Variants in PTPRD observed in about 807,000 individuals in gnomAD.
PTPRD encodes the protein receptor-type tyrosine-protein phosphatase delta.
Under a neutral mutation model 214.5 loss-of-function variants are expected in PTPRD, and 34 were observed. The ratio of observed to expected loss-of-function variants is 0.16; its 90% CI spans 0.12 to 0.21. The LOEUF (loss-of-function observed/expected upper bound fraction) is 0.21. Ranked by LOEUF, PTPRD falls within the 10% of genes least tolerant of loss-of-function variation. The pLI, the probability that PTPRD is intolerant of heterozygous loss-of-function variation, is 1.00. For missense variants in PTPRD, 2,545 were observed against 2,398.7 expected (o/e 1.06, Z -1.27); for synonymous variants, 1,128 against 845.7 (o/e 1.33, Z -5.79).
chr9:9,391,481 C>T (rs1461308626), intron 9 of PTPRD, among the ~76,000 whole-genome samples: 1 of 152,042 alleles, frequency 6.6e-6, no homozygotes, highest in Non-Finnish European at 1.5e-5. Context: ...TATGCATGTG[C>T]CAAAATATAA....
chr9:8,847,485 G>A (rs1298779819), intron 11 of PTPRD, among the ~76,000 whole-genome samples: 1 of 152,138 alleles, frequency 6.6e-6, no homozygotes, highest in African/African-American at 2.4e-5. Context: ...CATGTGAGAA[G>A]CATTTTAGAA....
At chr9:9,751,524 C>G (rs1305593027) in intron 6 of PTPRD, among the ~76,000 whole-genome samples, 1 of 152,096 alleles carries the variant, frequency 6.6e-6, no homozygotes, top group East Asian at 1.9e-4. Context: ...CAGAATGTGA[C>G]TTTCTTTGGA....
intron 14 of PTPRD, among the ~76,000 whole-genome samples, chr9:8,565,147 C>T (rs117053406): frequency 0.035 from 5,354 of 152,024 alleles, 104 homozygotes; most frequent in Non-Finnish European, 0.051. Context: ...TCAAGCTAAC[C>T]GCAGTGGTTT....
At chr9:10,220,263 C>T (rs2154348422) in intron 3 of PTPRD, among the ~76,000 whole-genome samples, 1 of 151,848 alleles carries the variant, frequency 6.6e-6, no homozygotes, top group Middle Eastern at 3.4e-3. Flanking sequence ...AATATTTATA[C>T]TTACTATGTT....
chr9:9,806,403 G>C (rs1393544249), intron 5 of PTPRD, among the ~76,000 whole-genome samples: 1 of 152,084 alleles, frequency 6.6e-6, no homozygotes, highest in Non-Finnish European at 1.5e-5. Context: ...AATGTACTTT[G>C]TGATATTCCC....
chr9:9,674,129 T>C (rs2154391404), intron 7 of PTPRD, among the ~76,000 whole-genome samples: 1 of 151,942 alleles, frequency 6.6e-6, no homozygotes, highest in East Asian at 1.9e-4. Context: ...TGTAAAATAG[T>C]ATATTTGATT....
chr9:9,078,870 A>G (rs530970360), intron 10 of PTPRD, among the ~76,000 whole-genome samples: 2 of 152,240 alleles, frequency 1.3e-5, no homozygotes, highest in East Asian at 3.9e-4. Flanking sequence ...TTTATAAAGT[A>G]CAATAGTTTC....
At chr9:9,603,912 G>A (rs1028727571) in intron 7 of PTPRD, among the ~76,000 whole-genome samples, 12 of 151,880 alleles carry the variant, frequency 7.9e-5, no homozygotes, top group Non-Finnish European at 2.9e-5. Context: ...TCAACTGTGT[G>A]TCACTTTTGG....
At chr9:10,512,014 GTGTGTATATATATATGTA>G (rs1566642693) in intron 2 of PTPRD, among the ~76,000 whole-genome samples, 1 of 60,216 alleles carries the variant, frequency 1.7e-5, no homozygotes, top group African/African-American at 8.3e-5. Flanking sequence ...ATATATACGT[GTGTGTATATATATATGTA>G]TATATATATA....
intron 2 of PTPRD, among the ~76,000 whole-genome samples, chr9:10,547,599 T>C (rs534553567): frequency 7.9e-5 from 12 of 152,186 alleles, no homozygotes; most frequent in Non-Finnish European, 1.5e-4. Context: ...ATATTTATAG[T>C]ATATGCTTCA....
At chr9:9,056,310 T>A (rs957977033) in intron 10 of PTPRD, among the ~76,000 whole-genome samples, 2 of 152,126 alleles carry the variant, frequency 1.3e-5, no homozygotes, top group Non-Finnish European at 2.9e-5. Context: ...GAGAAGTACA[T>A]AAAACATCTT....
chr9:8,658,497 T>A (rs925960306), intron 12 of PTPRD, among the ~76,000 whole-genome samples: 6 of 152,150 alleles, frequency 3.9e-5, no homozygotes, highest in Non-Finnish European at 8.8e-5. Flanking sequence ...AAGAAAGATA[T>A]TTTTCTATTA....
intron 40 of PTPRD, 136 bp from the exon 41 acceptor site, chr9:8,341,404 G>A (rs1423895102): frequency 4.1e-6 from 4 of 975,094 alleles, no homozygotes; most frequent in Non-Finnish European, 5.9e-6. Flanking sequence ...TATTCAAATT[G>A]TACTGCTTTT....
chr9:9,151,338 G>T (rs1170810188), intron 10 of PTPRD, among the ~76,000 whole-genome samples: 3 of 152,128 alleles, frequency 2.0e-5, no homozygotes. Flanking sequence ...AGGTTTCCCA[G>T]ATCCCAGGAA....
chr9:8,747,614 C>G (rs1372123312), intron 11 of PTPRD, among the ~76,000 whole-genome samples: 1 of 152,068 alleles, frequency 6.6e-6, no homozygotes, highest in East Asian at 1.9e-4. Flanking sequence ...TCCAGGAAAC[C>G]AAGCCCCAGT....
Position 9,932,441 on chromosome 9 carries a change from AG to A in PTPRD, c.-368+6065del, listed in dbSNP as rs1352236455. On this transcript the variant is annotated intron_variant, in intron 5 of 45. Coordinates refer to ENST00000381196, the MANE Select transcript of PTPRD (RefSeq NM_002839.4). ...ACTACGTGAAGAATGCAGAAGCCTC[AG>A]GAGCCGATGCAATCAACTGGAAGAA... Among the ~76,000 whole-genome samples the A allele has an allele frequency of 2.7e-5, 4 of 147,892 alleles. No homozygotes were observed. The East Asian group carries it at 8.0e-4, about 30-fold the overall frequency.
chr9:9,273,618 T>C (rs1943810261), intron 9 of PTPRD, among the ~76,000 whole-genome samples: 2 of 151,330 alleles, frequency 1.3e-5, no homozygotes, highest in African/African-American at 2.4e-5. Context: ...GTCTTCAAAA[T>C]GTATAGCATG....
In PTPRD at chr9:9,522,379, T is replaced by G. The variant is rs565479857; in HGVS notation, c.-237+52353A>C. On this transcript the variant is annotated intron_variant, in intron 8 of 45. Coordinates refer to ENST00000381196, the MANE Select transcript of PTPRD (RefSeq NM_002839.4). Reference sequence around the variant, plus strand: ...GTTGTAGAGGGAACTCTGAAAGATTTCTAAAGGGAACTATCTGGACATAAT... The same window carrying G: ...GTTGTAGAGGGAACTCTGAAAGATTGCTAAAGGGAACTATCTGGACATAAT... 2.6e-5 allele frequency among the ~76,000 whole-genome samples: 4 copies of G among 152,240 alleles called. No individual in the cohort carries two copies. The East Asian group carries it at 7.8e-4, about 30-fold the overall frequency.
rs1275728838 is a variant in PTPRD at position 8,971,104 on chromosome 9, A to G, written c.-104+47593T>C. 4.6e-5 allele frequency among the ~76,000 whole-genome samples: 7 copies of G among 151,946 alleles called. No homozygotes were observed. The East Asian group carries it at 1.4e-3, about 29-fold the overall frequency. ...TATAACTTTAAAATGTTAGAAAACA[A>G]TTCTTCAAATGTGTCACATTATTTG... On this transcript the variant is annotated intron_variant, in intron 11 of 45. Coordinates refer to ENST00000381196, the MANE Select transcript of PTPRD (RefSeq NM_002839.4).
Sources: gnomAD v4.1 joint callset for allele counts (sites outside exome capture counted in the v4.1 genomes callset) on GRCh38, gnomAD v4.1.1 for gene constraint, MANE v1.5 for transcripts, NCBI Gene and HGNC (gene_info 2026-07-23, HGNC 2026-07-21) for gene names.